The following TNIK variants were observed in gnomAD, a reference collection of about 807,000 sequenced individuals.
TNIK encodes TRAF2 and NCK interacting kinase, also known as TRAF2 and NCK-interacting protein kinase.
In TNIK, 49 loss-of-function variants were observed where a neutral mutation model predicts 191.3. That is an observed-to-expected ratio of 0.26 (90% CI 0.20 to 0.32). TNIK has a LOEUF of 0.32. Among genes scored for constraint, TNIK ranks in the 10% least tolerant of loss-of-function variants. The pLI is 1.00. For synonymous variants in TNIK, 594 were observed against 600.9 expected (o/e 0.99, Z 0.17); for missense variants, 1,155 against 1,702.3 (o/e 0.68, Z 5.66).
chr3:171,372,744 A>C (rs6444985), intron 1 of TNIK, among the ~76,000 whole-genome samples: 128,347 of 152,160 alleles, frequency 0.84, 54,703 homozygotes, highest in Non-Finnish European at 0.91. Flanking sequence ...ACACTCCCAG[A>C]AGGTGGACAA....
chr3:171,102,196 C>T (rs1723686570), intron 21 of TNIK: 1 of 152,126 alleles, frequency 6.6e-6, no homozygotes, highest in Admixed American at 6.6e-5. Flanking sequence ...ATGGCCCATC[C>T]TAAAGTCTAG....
intron 10 of TNIK, among the ~76,000 whole-genome samples, chr3:171,166,705 A>T (rs1050534987): frequency 6.6e-6 from 1 of 152,222 alleles, no homozygotes; most frequent in African/African-American, 2.4e-5. Context: ...AATGTTGAAG[A>T]ATGTCAGTAC....
intron 21 of TNIK, among the ~76,000 whole-genome samples, chr3:171,105,277 G>T (rs1054703646): frequency 6.6e-6 from 1 of 152,076 alleles, no homozygotes; most frequent in East Asian, 1.9e-4. Flanking sequence ...TGACATTTTG[G>T]GCCAGATAAT....
chr3:171,315,442 A>T (rs1754498062), intron 2 of TNIK, among the ~76,000 whole-genome samples: 1 of 152,150 alleles, frequency 6.6e-6, no homozygotes, highest in Admixed American at 6.5e-5. Flanking sequence ...CCCACACATT[A>T]GTGCACCATG....
intron 2 of TNIK, among the ~76,000 whole-genome samples, chr3:171,308,769 C>A (rs1034941899): frequency 6.6e-6 from 1 of 152,110 alleles, no homozygotes; most frequent in African/African-American, 2.4e-5. Flanking sequence ...CAAAAGAAGA[C>A]ATACATGCAT....
chr3:171,212,329 G>A (rs918272588), intron 3 of TNIK, among the ~76,000 whole-genome samples: 3 of 152,020 alleles, frequency 2.0e-5, no homozygotes, highest in African/African-American at 7.3e-5. Context: ...ACATTCACCA[G>A]GGATCTCTTC....
chr3:171,383,969 C>T (rs1718403176), intron 1 of TNIK, among the ~76,000 whole-genome samples: 1 of 152,210 alleles, frequency 6.6e-6, no homozygotes, highest in Non-Finnish European at 1.5e-5. Context: ...TTTAAAGCTA[C>T]AGCACACCTC....
At chr3:171,370,318 A>AAT (rs1716314783) in intron 1 of TNIK, among the ~76,000 whole-genome samples, 1 of 152,232 alleles carries the variant, frequency 6.6e-6, no homozygotes, top group African/African-American at 2.4e-5. Context: ...TGCAGGATTT[A>AAT]GAATGCAAAC....
intron 2 of TNIK, among the ~76,000 whole-genome samples, chr3:171,282,908 C>A (rs1317322272): frequency 3.3e-5 from 5 of 152,096 alleles, no homozygotes; most frequent in African/African-American, 1.2e-4. Flanking sequence ...GCAATTGCTG[C>A]TGTTAATTCT....
At chr3:171,281,906 A>G (rs1452056169) in intron 2 of TNIK, among the ~76,000 whole-genome samples, 1 of 152,214 alleles carries the variant, frequency 6.6e-6, no homozygotes, top group Non-Finnish European at 1.5e-5. Context: ...TAGCCTTATG[A>G]GCATTGAAGC....
intron 2 of TNIK, among the ~76,000 whole-genome samples, chr3:171,320,347 T>G (rs1016630320): frequency 6.6e-6 from 1 of 152,122 alleles, no homozygotes. Flanking sequence ...GGGGCTTCAC[T>G]AAAATGGTCT....
chr3:171,264,151 C>A (rs1748088294), intron 2 of TNIK, among the ~76,000 whole-genome samples: 1 of 145,524 alleles, frequency 6.9e-6, no homozygotes, highest in African/African-American at 2.5e-5. Flanking sequence ...ACCTGGCTGG[C>A]CTCCCATACT....
intron 21 of TNIK, chr3:171,101,857 G>A (rs535291702): frequency 1.7e-5 from 9 of 514,938 alleles, no homozygotes; most frequent in South Asian, 1.3e-4. Flanking sequence ...CCAATAGCTA[G>A]ACTGAGACTG....
At chr3:171,130,359 C>T (rs1729076879) in intron 15 of TNIK, among the ~76,000 whole-genome samples, 1 of 152,190 alleles carries the variant, frequency 6.6e-6, no homozygotes, top group Non-Finnish European at 1.5e-5. Flanking sequence ...CTTCCCCCAC[C>T]ATGGCTGTGC....
chr3:171,172,608 A>G (rs1446821718), intron 9 of TNIK, among the ~76,000 whole-genome samples: 1 of 152,216 alleles, frequency 6.6e-6, no homozygotes, highest in Non-Finnish European at 1.5e-5. Context: ...GCTGTCAAGT[A>G]TCATGTGCCT....
intron 18 of TNIK, among the ~76,000 whole-genome samples, chr3:171,114,231 CCAAA>C (rs1046053243): frequency 1.9e-4 from 29 of 152,238 alleles, no homozygotes; most frequent in African/African-American, 6.3e-4. Flanking sequence ...CTTCAGTTCC[CCAAA>C]CAGACTTTGT....
intron 2 of TNIK, among the ~76,000 whole-genome samples, chr3:171,231,916 A>G (rs1357106276): frequency 1.3e-5 from 2 of 152,210 alleles, no homozygotes; most frequent in Non-Finnish European, 1.5e-5. Context: ...TCCAGCTCCT[A>G]AATCACAAAT....
intron 7 of TNIK, 71 bp downstream of exon 7, chr3:171,188,631 G>A: frequency 6.4e-7 from 1 of 1,556,136 alleles, no homozygotes; most frequent in Non-Finnish European, 8.7e-7. Context: ...AAATATAAGG[G>A]CATGTAAGAC....
Position 171,179,252 on chromosome 3 carries a change from A to G in TNIK, c.640-1872T>C, listed in dbSNP as rs995993499. ...CTCTTTGTTATGTTTCAAGATGTAC[A>G]CAAAGATTTTCATTAAACGCAATCT... On this transcript the variant is annotated intron_variant, in intron 7 of 32. Transcript: ENST00000436636. 2.0e-5 allele frequency among the ~76,000 whole-genome samples: 3 copies of G among 152,212 alleles called. 1 individual carries two copies. Among genetic ancestry groups the G allele is most frequent in the East Asian group, 1.9e-4 (1 of 5,200 alleles).
Sources: allele counts gnomAD v4.1 joint callset (sites outside exome capture counted in the v4.1 genomes callset), GRCh38; gene constraint gnomAD v4.1.1; transcripts MANE v1.5; gene names NCBI Gene and HGNC (gene_info 2026-07-23, HGNC 2026-07-21).